Variants in KLHDC10 observed in about 807,000 individuals in gnomAD.
KLHDC10 encodes kelch domain containing 10, also known as kelch domain-containing protein 10.
Under a neutral mutation model 56.1 loss-of-function variants are expected in KLHDC10, and 24 were observed. That is an observed-to-expected ratio of 0.43 (90% CI 0.31 to 0.60). The LOEUF (loss-of-function observed/expected upper bound fraction) is 0.60. KLHDC10 is among the 20% of genes least tolerant of loss of function. The pLI is 0.11. For synonymous variants in KLHDC10, 188 were observed against 207.1 expected, an observed-to-expected ratio of 0.91 and a Z score of 0.79; for missense variants, 349 against 567.0, an observed-to-expected ratio of 0.62 and a Z score of 3.91.
chr7:130,109,429 T>C (rs946525094), intron 2 of KLHDC10, among the ~76,000 whole-genome samples: 11 of 151,886 alleles, frequency 7.2e-5, no homozygotes, highest in African/African-American at 2.7e-4. Context: ...GTTTCACTAT[T>C]TTGCCATATC....
rs956297811 is a variant in KLHDC10, at chr7:130,131,862, G to C, written c.*1116G>C. ...TGGTCCTTGATTTTTCCCTTAGCTT[G>C]TTGCCTTCTTTTCCGTCTGCTTTAA... On this transcript the variant is annotated 3_prime_UTR_variant, in exon 10 of 10. Coordinates refer to ENST00000335420, the MANE Select transcript of KLHDC10 (RefSeq NM_014997.4). 3.3e-5 allele frequency: 5 copies of C among 152,034 alleles called. No individual in the cohort carries two copies. Among genetic ancestry groups the C allele is most frequent in the African/African-American group, 1.2e-4 (5 of 41,380 alleles). The allele number at this position is 152,034 out of a possible 1,614,324, so 9.4% of individuals were successfully genotyped here.
rs538729416 is a variant in KLHDC10, at chr7:130,070,539, C to G, written c.-105C>G. The G allele has an allele frequency of 5.3e-6, 6 of 1,127,684 alleles. No individual in the cohort carries two copies. The African/African-American group carries it at 9.5e-5, about 18-fold the overall frequency. The allele number at this position is 1,127,684 out of a possible 1,614,324, so 69.9% of individuals were successfully genotyped here. ...CTCTGGTGGGACCGGGCGCTGCCCC[C>G]TTCCCCTGTCTCCTGGGTCTCTGGA... On this transcript the variant is annotated 5_prime_UTR_variant, in exon 1 of 10. Coordinates refer to ENST00000335420, the MANE Select transcript of KLHDC10 (RefSeq NM_014997.4).
chr7:130,109,416 A>G (rs1040367493), intron 2 of KLHDC10, among the ~76,000 whole-genome samples: 1 of 151,834 alleles, frequency 6.6e-6, no homozygotes, highest in African/African-American at 2.4e-5. Flanking sequence ...CGGTACAGAT[A>G]GGGTTTCACT....
intron 3 of KLHDC10, among the ~76,000 whole-genome samples, chr7:130,117,261 G>A (rs1796180767): frequency 6.6e-6 from 1 of 152,192 alleles, no homozygotes; most frequent in South Asian, 2.1e-4. Context: ...TGATGTTGGT[G>A]GCAGCTGACT....
At position 130,070,552 on chromosome 7, in the gene KLHDC10, C is replaced by T; in HGVS notation, c.-92C>T. On this transcript the variant is annotated 5_prime_UTR_variant, in exon 1 of 10. Transcript: ENST00000335420. ...GGGCGCTGCCCCCTTCCCCTGTCTC[C>T]TGGGTCTCTGGAGGAGCCCAGGAAG... 1 of 1,203,092 alleles carries T rather than the reference C, an allele frequency of 8.3e-7. No individual in the cohort carries two copies. The highest frequency in any genetic ancestry group is 1.1e-6 in the Non-Finnish European group (1 of 951,940). The allele number at this position is 1,203,092 out of a possible 1,614,324, so 74.5% of individuals were successfully genotyped here.
chr7:130,100,442 C>A (rs1422155159), intron 2 of KLHDC10, among the ~76,000 whole-genome samples: 2 of 152,172 alleles, frequency 1.3e-5, no homozygotes, highest in Non-Finnish European at 2.9e-5. Flanking sequence ...CCTTTCATAT[C>A]TTTACTCCAG....
intron 1 of KLHDC10, among the ~76,000 whole-genome samples, chr7:130,074,465 T>A (rs2116830243): frequency 1.3e-5 from 2 of 152,312 alleles, no homozygotes; most frequent in Admixed American, 1.3e-4. Flanking sequence ...TATGCGTATA[T>A]ATATGCCATA....
chr7:130,127,568 C>T, intron 8 of KLHDC10, 117 bp downstream of exon 8: 1 of 703,814 alleles, frequency 1.4e-6, no homozygotes, highest in Non-Finnish European at 2.4e-6. Flanking sequence ...AAGTCTATTT[C>T]TTGTAAACTT....
In KLHDC10 at chr7:130,130,808, G is replaced by A. The variant is rs1796390848; in HGVS notation, c.*62G>A. 6.7e-7 allele frequency: 1 copy of A among 1,493,696 alleles called. No homozygotes were observed. Among genetic ancestry groups the A allele is most frequent in the East Asian group, 2.3e-5 (1 of 44,230 alleles). 92.5% of individuals were successfully genotyped at this position (1,493,696 alleles called of 1,614,324 possible). A position where few individuals can be genotyped will look rare whatever the true frequency, so the allele number is the denominator to read the frequency against. On this transcript the variant is annotated 3_prime_UTR_variant, in exon 10 of 10. Transcript: ENST00000335420. The surrounding 1 kb of genome is among the most constrained non-coding windows in gnomAD (Gnocchi z 4.2). ...ATTTAAAGAGACTCCTTTATTTATG[G>A]GCAGTGTAGAATGTGCTACAAAGAG...
At chr7:130,100,666 TTTG>T (rs757972036) in intron 2 of KLHDC10, among the ~76,000 whole-genome samples, 10 of 152,226 alleles carry the variant, frequency 6.6e-5, no homozygotes, top group Non-Finnish European at 1.2e-4. Context: ...TGCTTGTTTG[TTTG>T]TTTTTAACTT....
chr7:130,102,194 A>G (rs1406788852), intron 2 of KLHDC10, among the ~76,000 whole-genome samples: 1 of 152,102 alleles, frequency 6.6e-6, no homozygotes. Context: ...TCCACTTGTA[A>G]AGGGAAGCCT....
At chr7:130,079,765 C>G (rs969828392) in intron 1 of KLHDC10, among the ~76,000 whole-genome samples, 1 of 145,534 alleles carries the variant, frequency 6.9e-6, no homozygotes, top group African/African-American at 2.6e-5. Flanking sequence ...CTCCCTCCCC[C>G]TCCCCTACCT....
chr7:130,071,837 G>GCTTAAGACTGTAC (rs1335060057), intron 1 of KLHDC10, among the ~76,000 whole-genome samples: 3 of 152,144 alleles, frequency 2.0e-5, no homozygotes, highest in Admixed American at 6.5e-5. Context: ...TATGAATTGT[G>GCTTAAGACTGTAC]CTTAAGACTG....
At chr7:130,085,427 G>T (rs1231695109) in intron 1 of KLHDC10, among the ~76,000 whole-genome samples, 3 of 151,994 alleles carry the variant, frequency 2.0e-5, no homozygotes, top group South Asian at 2.1e-4. Flanking sequence ...GCAAAGGTCA[G>T]TGAGGTAGGA....
rs146656651 is a variant in KLHDC10 at position 130,109,349 on chromosome 7, C to T, written c.254-7096C>T. On this transcript the variant is annotated intron_variant, in intron 2 of 9. Transcript: ENST00000335420. ...TCCTCCAGCCCACCTCAGCCACCCA[C>T]GTAGCTGGGACTACAGGAATGTGCC... Among the ~76,000 whole-genome samples the T allele has an allele frequency of 5.8e-3, 883 of 151,892 alleles. 7 individuals are homozygous for T. Among genetic ancestry groups the T allele is most frequent in the African/African-American group, 0.02 (820 of 41,412 alleles).
At position 130,130,252 on chromosome 7, in the gene KLHDC10, G is replaced by A. The variant is rs143155036; in HGVS notation, c.1120-285G>A. On this transcript the variant is annotated intron_variant, in intron 9 of 9. Coordinates refer to ENST00000335420, the MANE Select transcript of KLHDC10 (RefSeq NM_014997.4). This position sits in a 1 kb window ranked among gnomAD's most constrained non-coding sequence, Gnocchi z 4.2. ...GGAGAATGGCGTGAACCCGGGAGGCGGAGAGCTTGCAGTGAGCTGAAATTG... is the reference window on the plus strand; with the variant it reads ...GGAGAATGGCGTGAACCCGGGAGGCAGAGAGCTTGCAGTGAGCTGAAATTG... Among the ~76,000 whole-genome samples the A allele has an allele frequency of 0.036, 5,479 of 150,838 alleles. 328 individuals are homozygous for A. Among genetic ancestry groups the A allele is most frequent in the African/African-American group, 0.13 (5,187 of 40,862 alleles).
chr7:130,079,877 C>CTT (rs1490580685), intron 1 of KLHDC10, among the ~76,000 whole-genome samples: 4 of 136,428 alleles, frequency 2.9e-5, no homozygotes, highest in Non-Finnish European at 4.6e-5. Context: ...TTTCTTCCTC[C>CTT]CTCCCTCCCT....
intron 8 of KLHDC10, among the ~76,000 whole-genome samples, chr7:130,128,142 A>G (rs866733048): frequency 6.6e-6 from 1 of 152,234 alleles, no homozygotes; most frequent in Admixed American, 6.5e-5. Flanking sequence ...TCTAGTTCAG[A>G]GGGATTTTTT....
chr7:130,102,882 A>G (rs550620759), intron 2 of KLHDC10, among the ~76,000 whole-genome samples: 43 of 152,200 alleles, frequency 2.8e-4, no homozygotes, highest in Non-Finnish European at 5.1e-4. Context: ...GTAATGATTA[A>G]TGAATTAGTT....
Sources: allele counts gnomAD v4.1 joint callset (sites outside exome capture counted in the v4.1 genomes callset), GRCh38; gene constraint gnomAD v4.1.1; non-coding constraint Gnocchi (gnomAD v3.1); transcripts MANE v1.5; gene names NCBI Gene and HGNC (gene_info 2026-07-23, HGNC 2026-07-21).